Variants in NELL1 observed in about 807,000 individuals in gnomAD.
The protein encoded by NELL1 is protein kinase C-binding protein NELL1.
A neutral mutation model predicts 107.4 loss-of-function variants in NELL1; 76 were observed. That is an observed-to-expected ratio of 0.71 (90% CI 0.59 to 0.86). The LOEUF (loss-of-function observed/expected upper bound fraction) is 0.86. Ranked by LOEUF, NELL1 falls within the 40% of genes least tolerant of loss-of-function variation. NELL1 has a pLI of 0.00. For synonymous variants in NELL1, 353 were observed against 341.2 expected (o/e 1.03, Z -0.38); for missense variants, 1,024 against 1,005.5 (o/e 1.02, Z -0.25).
intron 3 of NELL1, among the ~76,000 whole-genome samples, chr11:20,798,514 AC>A (rs1564913454): frequency 6.6e-6 from 1 of 151,874 alleles, no homozygotes; most frequent in Non-Finnish European, 1.5e-5. Flanking sequence ...ATTTAAAAAA[AC>A]TCTTCTTTGA....
At chr11:21,065,124 G>A (rs1025462811) in intron 12 of NELL1, among the ~76,000 whole-genome samples, 1 of 151,478 alleles carries the variant, frequency 6.6e-6, no homozygotes, top group Non-Finnish European at 1.5e-5. Flanking sequence ...AAGTCTCTAA[G>A]GTTTTTATAG....
intron 12 of NELL1, among the ~76,000 whole-genome samples, chr11:21,030,350 T>C (rs1013796007): frequency 2.0e-5 from 3 of 152,184 alleles, no homozygotes; most frequent in African/African-American, 7.2e-5. Flanking sequence ...CATTTGACCT[T>C]TTAGTCGTAC....
chr11:20,850,252 C>T (rs1367002), intron 4 of NELL1, among the ~76,000 whole-genome samples: 15,322 of 152,240 alleles, frequency 0.1, 844 homozygotes, highest in South Asian at 0.13. Flanking sequence ...CTTTTAGTCT[C>T]AGCCACCCTC....
intron 13 of NELL1, among the ~76,000 whole-genome samples, chr11:21,217,234 G>A (rs1222614110): frequency 6.6e-6 from 1 of 152,180 alleles, no homozygotes; most frequent in Non-Finnish European, 1.5e-5. Context: ...TTAACTGTGA[G>A]TCAATAAAAC....
chr11:21,053,631 C>T (rs372261664), intron 12 of NELL1, among the ~76,000 whole-genome samples: 3 of 152,112 alleles, frequency 2.0e-5, no homozygotes, highest in South Asian at 2.1e-4. Flanking sequence ...GAGTCCCATA[C>T]AGTGAAGGGA....
chr11:20,682,924 T>C (rs1854223722), intron 2 of NELL1, among the ~76,000 whole-genome samples: 1 of 152,120 alleles, frequency 6.6e-6, no homozygotes, highest in African/African-American at 2.4e-5. Context: ...AAAGTGCTTT[T>C]CTTACAGGCA....
intron 13 of NELL1, among the ~76,000 whole-genome samples, chr11:21,144,798 T>C (rs573283564): frequency 6.6e-6 from 1 of 152,106 alleles, no homozygotes; most frequent in East Asian, 1.9e-4. Context: ...TAATTGGAGA[T>C]CCAGGGAGAG....
At chr11:21,427,970 A>G (rs1009580682) in intron 15 of NELL1, among the ~76,000 whole-genome samples, 1 of 152,218 alleles carries the variant, frequency 6.6e-6, no homozygotes, top group Non-Finnish European at 1.5e-5. Flanking sequence ...GGCAGGTTTC[A>G]CTGATGAGTC....
rs369977179 is a variant in NELL1 at position 21,193,327 on chromosome 11, G to A, written c.1427-36005G>A. 5.3e-5 allele frequency among the ~76,000 whole-genome samples: 8 copies of A among 151,786 alleles called. No homozygotes were observed. In the East Asian group the frequency reaches 5.8e-4, roughly 11 times the overall value. ...CTTAGGTCAATCAGAAATAAAGCAC[G>A]CAAGAACCTCCTGAGATGATACAGC... On this transcript the variant is annotated intron_variant, in intron 13 of 19. Coordinates refer to ENST00000357134, the MANE Select transcript of NELL1 (RefSeq NM_006157.5).
chr11:20,975,927 ATGTACATATATG>A (rs1213598506), intron 12 of NELL1, among the ~76,000 whole-genome samples: 2 of 134,808 alleles, frequency 1.5e-5, no homozygotes, highest in Non-Finnish European at 1.5e-5. Flanking sequence ...ACACACATAT[ATGTACATATATG>A]TGTACATATA....
At chr11:20,896,720 G>C (rs935614829) in intron 5 of NELL1, among the ~76,000 whole-genome samples, 7 of 152,090 alleles carry the variant, frequency 4.6e-5, no homozygotes, top group Non-Finnish European at 8.8e-5. Context: ...AAAGTCTCAG[G>C]ATACAAAATC....
chr11:20,908,358 G>C (rs1056635819), intron 5 of NELL1, among the ~76,000 whole-genome samples: 7 of 152,090 alleles, frequency 4.6e-5, no homozygotes, highest in African/African-American at 1.4e-4. Context: ...ATATACACCA[G>C]GGAGTACTAC....
At chr11:21,505,432 G>A (rs1855255403) in intron 15 of NELL1, among the ~76,000 whole-genome samples, 1 of 152,078 alleles carries the variant, frequency 6.6e-6, no homozygotes, top group African/African-American at 2.4e-5. Context: ...ACTGGATGGT[G>A]ACTAAACTTT....
At chr11:21,014,072 T>C (rs1325456176) in intron 12 of NELL1, among the ~76,000 whole-genome samples, 1 of 152,164 alleles carries the variant, frequency 6.6e-6, no homozygotes. Context: ...GTTTCTCTAA[T>C]TGTTCCAGCT....
chr11:20,783,995 G>T (rs533560492), intron 3 of NELL1, among the ~76,000 whole-genome samples, 165 bp downstream of exon 3: 1 of 152,282 alleles, frequency 6.6e-6, no homozygotes, highest in South Asian at 2.1e-4. Flanking sequence ...ATTTACTTTG[G>T]TCAAAGTGGC....
intron 15 of NELL1, among the ~76,000 whole-genome samples, chr11:21,508,406 G>T (rs1477568437): frequency 6.6e-6 from 1 of 152,098 alleles, no homozygotes; most frequent in Non-Finnish European, 1.5e-5. Context: ...CAAAACTGAT[G>T]CGCAGATAAG....
intron 14 of NELL1, among the ~76,000 whole-genome samples, chr11:21,269,985 T>C (rs1314443266): frequency 1.3e-5 from 2 of 152,132 alleles, no homozygotes; most frequent in Non-Finnish European, 2.9e-5. Flanking sequence ...TCTAAGGGTA[T>C]GCTGGGATTA....
chr11:21,522,339 A>T (rs1285035593), intron 15 of NELL1, among the ~76,000 whole-genome samples: 1 of 152,218 alleles, frequency 6.6e-6, no homozygotes, highest in Non-Finnish European at 1.5e-5. Context: ...AGGTGATTAG[A>T]TAAAGAAAAT....
chr11:21,478,242 A>G (rs771517909), intron 15 of NELL1, among the ~76,000 whole-genome samples: 23 of 152,146 alleles, frequency 1.5e-4, no homozygotes, highest in Non-Finnish European at 2.8e-4. Flanking sequence ...AATGATCCCT[A>G]TGATCTAATA....
Sources: gnomAD v4.1 joint callset for allele counts (sites outside exome capture counted in the v4.1 genomes callset) on GRCh38, gnomAD v4.1.1 for gene constraint, MANE v1.5 for transcripts, NCBI Gene and HGNC (gene_info 2026-07-23, HGNC 2026-07-21) for gene names.